Variants in SREBF2 observed in about 807,000 individuals in gnomAD.
SREBF2 encodes the protein sterol regulatory element binding transcription factor 2, also known as sterol regulatory element-binding protein 2.
In SREBF2, 55 loss-of-function variants were observed where a neutral mutation model predicts 113.1. That is an observed-to-expected ratio of 0.49 (90% confidence interval 0.39 to 0.61). SREBF2 has a LOEUF of 0.61. SREBF2 is among the 20% of genes least tolerant of loss of function. The pLI, the probability that SREBF2 is intolerant of heterozygous loss-of-function variation, is 0.00. For synonymous variants in SREBF2, 593 were observed against 605.7 expected (o/e 0.98, Z 0.31); for missense variants, 1,349 against 1,487.4 (o/e 0.91, Z 1.53).
intron 17 of SREBF2, 34 bp from the exon 18 acceptor site, chr22:41,904,829 G>T: frequency 6.6e-7 from 1 of 1,512,548 alleles, no homozygotes. Context: ...TGGGGACCAG[G>T]GGTGTGATGG....
At chr22:41,898,560 T>G (rs1227688373) in intron 14 of SREBF2, 89 bp from the exon 15 acceptor site, 2 of 1,571,682 alleles carry the variant, frequency 1.3e-6, no homozygotes, top group Non-Finnish European at 1.7e-6. Context: ...ATGTTACCCA[T>G]CTCCTAGGAA....
chr22:41,892,989 A>G lies in SREBF2; in HGVS notation c.2209-128A>G, dbSNP rs942899109. ...ACTTTCAGGTACCTGTGGGAGTCCT[A>G]TCCCTGTGCTGATCTTTCCCAGTCT... On this transcript the variant is annotated intron_variant, in intron 11 of 18. Coordinates refer to ENST00000361204, the MANE Select transcript of SREBF2 (RefSeq NM_004599.4). The G allele has an allele frequency of 6.5e-5, 75 of 1,145,646 alleles. No homozygotes were observed. In the Admixed American group the frequency reaches 9.6e-4, roughly 15 times the overall value. The allele number at this position is 1,145,646 out of a possible 1,614,324, so 71.0% of individuals were successfully genotyped here.
At chr22:41,878,978 G>T (rs1282150357) in intron 9 of SREBF2, among the ~76,000 whole-genome samples, 1 of 152,208 alleles carries the variant, frequency 6.6e-6, no homozygotes, top group Non-Finnish European at 1.5e-5. Context: ...TGGCTGTGAA[G>T]GATAGGTAGG....
rs1236382592 is a variant in SREBF2, at chr22:41,867,006, G to T, written c.264G>T (p.Val88=). The stretch of plus-strand genomic sequence containing the variant: ...GCAGCGGAGCTGTGGACCCTTCAGT[G>T]CAACGGTCATTCACCCAGGTCACAT... ...GSSSGAVDPS[V]QRSFTQVTLP... The change falls in exon 2 of 19, where the codon GTG becomes GTT. Residue 88 remains valine, a synonymous_variant. Coordinates refer to ENST00000361204, the MANE Select transcript of SREBF2 (RefSeq NM_004599.4). The T allele has an allele frequency of 6.2e-7, 1 of 1,614,026 alleles. No individual in the cohort carries two copies. The highest frequency in any genetic ancestry group is 1.7e-5 in the Admixed American group (1 of 60,020).
Position 41,833,106 on chromosome 22 carries a change from T to G in SREBF2, c.-165T>G. ...GGGGCGGGGGAATCCCGCCCCGCCC[T>G]TTCTGTGCGGCGCCCGGGCGCAACG... On this transcript the variant is annotated 5_prime_UTR_variant, in exon 1 of 19. Transcript: ENST00000361204. The surrounding 1 kb of genome is among the most constrained non-coding windows in gnomAD (Gnocchi z 4.1). 6.0e-6 allele frequency: 3 copies of G among 499,554 alleles called. No homozygotes were observed. Among genetic ancestry groups the G allele is most frequent in the Non-Finnish European group, 1.0e-5 (3 of 295,966 alleles). 30.9% of individuals were successfully genotyped at this position (499,554 alleles called of 1,614,324 possible). A position where few individuals can be genotyped will look rare whatever the true frequency, so the allele number is the denominator to read the frequency against.
At chr22:41,840,185 C>G (rs1402796868) in intron 1 of SREBF2, among the ~76,000 whole-genome samples, 1 of 152,042 alleles carries the variant, frequency 6.6e-6, no homozygotes, top group Non-Finnish European at 1.5e-5. Context: ...GTCTTGAACT[C>G]CTGTCCTTGT....
rs1191793652 is a variant in SREBF2, at chr22:41,877,273, A to C, written c.1431A>C (p.Val477=). The C allele has an allele frequency of 6.2e-7, 1 of 1,614,092 alleles. No homozygotes were observed. The highest frequency in any genetic ancestry group is 8.5e-7 in the Non-Finnish European group (1 of 1,180,048). Residue 477 remains valine (V), a synonymous_variant, in exon 8 of 19, where the codon GTA becomes GTC. Coordinates refer to ENST00000361204, the MANE Select transcript of SREBF2 (RefSeq NM_004599.4). The part of the protein sequence containing the change: ...PDSPPVALGM[V]DRSRILLCVL... ...CTCCTCCTGTGGCGCTGGGCATGGT[A>C]GACCGCTCACGGATTCTTCTGTGTG...
At chr22:41,877,131 A>T in intron 7 of SREBF2, 98 bp from the exon 8 acceptor site, 1 of 1,265,542 alleles carries the variant, frequency 7.9e-7, no homozygotes, top group Non-Finnish European at 1.1e-6. Context: ...ACTTGAATTT[A>T]AACCTCATAA....
At chr22:41,899,291 C>T (rs2148418209) in intron 15 of SREBF2, 1 of 1,057,288 alleles carries the variant, frequency 9.5e-7, no homozygotes, top group Non-Finnish European at 1.1e-6. Context: ...CTAAAATAGC[C>T]TTTAGCACAT....
chr22:41,879,223 G>A (rs2148394561), intron 9 of SREBF2, among the ~76,000 whole-genome samples: 1 of 152,340 alleles, frequency 6.6e-6, no homozygotes, highest in African/African-American at 2.4e-5. Flanking sequence ...GGAATTAAAA[G>A]GAAAGGTTTG....
chr22:41,847,633 C>A (rs1167065730), intron 1 of SREBF2, among the ~76,000 whole-genome samples: 1 of 152,188 alleles, frequency 6.6e-6, no homozygotes, highest in Non-Finnish European at 1.5e-5. Context: ...GACTTTAAAT[C>A]CCAGCTCCAC....
At chr22:41,887,923 C>T (rs147319494) in intron 11 of SREBF2, among the ~76,000 whole-genome samples, 118 of 152,308 alleles carry the variant, frequency 7.7e-4, no homozygotes, top group South Asian at 3.5e-3. Flanking sequence ...CCTCTTCTTA[C>T]ATTTATTGGC....
intron 11 of SREBF2, 118 bp from the exon 12 acceptor site, chr22:41,892,999 T>G: frequency 7.9e-7 from 1 of 1,267,200 alleles, no homozygotes; most frequent in Non-Finnish European, 1.1e-6. Context: ...ATCCCTGTGC[T>G]GATCTTTCCC....
At chr22:41,905,079 G>GCA in intron 18 of SREBF2, 105 bp downstream of exon 18, 1 of 1,087,618 alleles carries the variant, frequency 9.2e-7, no homozygotes, top group Non-Finnish European at 1.3e-6. Flanking sequence ...TTGGTGCCCA[G>GCA]CACACCTCTC....
chr22:41,840,678 A>G (rs2076821855), intron 1 of SREBF2, among the ~76,000 whole-genome samples: 1 of 152,218 alleles, frequency 6.6e-6, no homozygotes, highest in African/African-American at 2.4e-5. Flanking sequence ...TAGTAGAGAA[A>G]TCTGATGCCA....
chr22:41,892,857 A>T (rs2077377640), intron 11 of SREBF2, among the ~76,000 whole-genome samples: 1 of 152,144 alleles, frequency 6.6e-6, no homozygotes, highest in Non-Finnish European at 1.5e-5. Flanking sequence ...CAGGGGCCCC[A>T]CGCGTGCCTT....
At chr22:41,844,029 TACATACACACAC>T (rs1435927367) in intron 1 of SREBF2, among the ~76,000 whole-genome samples, 690 of 48,766 alleles carry the variant, frequency 0.014, 7 homozygotes, top group African/African-American at 0.045. Flanking sequence ...AAAAAAAAAA[TACATACACACAC>T]ACACACACAC....
chr22:41,905,376 C>T (rs1398586166), intron 18 of SREBF2, 64 bp from the exon 19 acceptor site: 8 of 1,464,472 alleles, frequency 5.5e-6, no homozygotes, highest in Middle Eastern at 2.3e-4. Context: ...GTCCAGGTAA[C>T]GCCAAGGAAC....
At chr22:41,847,839 T>C (rs978449539) in intron 1 of SREBF2, among the ~76,000 whole-genome samples, 6 of 152,172 alleles carry the variant, frequency 3.9e-5, no homozygotes, top group African/African-American at 1.4e-4. Context: ...TTAAAAATTA[T>C]TACTACTAAT....
Sources: allele counts gnomAD v4.1 joint callset (sites outside exome capture counted in the v4.1 genomes callset), GRCh38; gene constraint gnomAD v4.1.1; non-coding constraint Gnocchi (gnomAD v3.1); transcripts MANE v1.5; gene names NCBI Gene and HGNC (gene_info 2026-07-23, HGNC 2026-07-21).